The following ZNF211 variants were observed in gnomAD, a reference collection of about 807,000 sequenced individuals.
The protein encoded by ZNF211 is zinc finger protein 211.
A neutral mutation model predicts 12.1 loss-of-function variants in ZNF211; 18 were observed. The observed-to-expected ratio is 1.48, with a 90% CI of 1.03 to 2.20. ZNF211 has a LOEUF of 2.20. Ranked by LOEUF, ZNF211 falls within the 30% of genes most tolerant of loss-of-function variation. The probability of loss-of-function intolerance (pLI) is 0.00; values close to 1 mark genes in which losing one functional copy is unlikely to be tolerated. For synonymous variants in ZNF211, 249 were observed against 246.0 expected (o/e 1.01, Z -0.11); for missense variants, 677 against 703.1 (o/e 0.96, Z 0.42).
chr19:57,634,179 G>A, intron 2 of ZNF211, 118 bp downstream of exon 2: 1 of 1,213,980 alleles, frequency 8.2e-7, no homozygotes, highest in Non-Finnish European at 1.1e-6. Context: ...CTCAGCGTTT[G>A]GTTTGGGAAC....
intron 3 of ZNF211, chr19:57,640,160 T>C: frequency 7.3e-7 from 1 of 1,361,058 alleles, no homozygotes. Flanking sequence ...CCCTCTTCAC[T>C]CTTAACAGTT....
Position 57,641,313 on chromosome 19 carries a change from A to G in ZNF211, c.866A>G (p.Gln289Arg), listed in dbSNP as rs779862081. The G allele has an allele frequency of 9.3e-6, 15 of 1,614,230 alleles. No individual in the cohort carries two copies. Among genetic ancestry groups the G allele is most frequent in the Non-Finnish European group, 1.3e-5 (15 of 1,180,048 alleles). ...CGAAGATGTAACCTCATTCAGCACC[A>G]GAAAGTCCACAGTGAAGAAAGGCCT... ...CTRRCNLIQHQKVHSEERPYE... is the reference protein window; with the variant it reads ...CTRRCNLIQHRKVHSEERPYE... The change falls in exon 4 of 4, where the codon CAG becomes CGG. Residue 289 changes from glutamine to arginine, a missense_variant. Coordinates refer to ENST00000240731, the MANE Select transcript of ZNF211 (RefSeq NM_006385.5).
intron 3 of ZNF211, among the ~76,000 whole-genome samples, chr19:57,639,401 TTATGTAC>T (rs1982574370): frequency 7.6e-6 from 1 of 132,354 alleles, no homozygotes; most frequent in African/African-American, 2.8e-5. Context: ...GTCATTTCCT[TTATGTAC>T]TTTTTTTTTT....
rs751803606 is a variant in ZNF211 at position 57,642,034 on chromosome 19, A to G, written c.1587A>G (p.Lys529=). Residue 529 remains lysine (K), a synonymous_variant, in exon 4 of 4, where the codon AAA becomes AAG. Transcript: ENST00000240731. ...ERPYECSECG[K]SFSQSSSLIQ... ...CTTATGAGTGCAGTGAATGTGGGAA[A>G]TCCTTTAGCCAAAGTTCTAGCCTCA... 2 of 1,614,158 alleles carry G rather than the reference A, an allele frequency of 1.2e-6. No individual in the cohort carries two copies. Among genetic ancestry groups the G allele is most frequent in the Non-Finnish European group, 8.5e-7 (1 of 1,179,992 alleles).
At chr19:57,640,133 A>G (rs1388898655) in intron 3 of ZNF211, 2 of 1,471,138 alleles carry the variant, frequency 1.4e-6, no homozygotes, top group Non-Finnish European at 1.8e-6. Context: ...TGCCAGAGAC[A>G]CTTCACTTCG....
chr19:57,640,018 G>C, intron 3 of ZNF211: 1 of 1,536,062 alleles, frequency 6.5e-7, no homozygotes, highest in Non-Finnish European at 8.7e-7. Flanking sequence ...GATGGGATCA[G>C]AGAGGGCCTG....
In ZNF211 at chr19:57,638,261, T is replaced by A. The variant is rs993238692; in HGVS notation, c.257-2443T>A. Among the ~76,000 whole-genome samples, 4 of 151,312 alleles carry A rather than the reference T, an allele frequency of 2.6e-5. No individual in the cohort carries two copies. The East Asian group carries it at 5.8e-4, about 22-fold the overall frequency. ...CTTTTGGTTTTGTTGATTTTTTTTT[T>A]ATATTGTTTTTCTCTTCTCTATTTT... On this transcript the variant is annotated intron_variant, in intron 3 of 3. Transcript: ENST00000240731.
intron 3 of ZNF211, among the ~76,000 whole-genome samples, chr19:57,639,355 CTTTTTTTTT>C (rs541121788): frequency 2.9e-5 from 1 of 34,806 alleles, no homozygotes; most frequent in Non-Finnish European, 5.6e-5. Context: ...GTTTGGCTCA[CTTTTTTTTT>C]TTTTTTTTTT....
intron 3 of ZNF211, chr19:57,640,183 A>G: frequency 4.9e-6 from 6 of 1,212,434 alleles, no homozygotes; most frequent in Non-Finnish European, 6.7e-6. Flanking sequence ...CAAACTTGTT[A>G]TTTCTACTAC....
At position 57,641,341 on chromosome 19, in the gene ZNF211, T is replaced by C; in HGVS notation, c.894T>C (p.Tyr298=). Residue 298 remains tyrosine (Y), a synonymous_variant, in exon 4 of 4, where the codon TAT becomes TAC. Transcript: ENST00000240731. ...HQKVHSEERP[Y]ECNECGKFFT... ...AAGTCCACAGTGAAGAAAGGCCTTA[T>C]GAATGCAATGAATGTGGAAAATTCT... The C allele has an allele frequency of 6.2e-7, 1 of 1,614,220 alleles. No homozygotes were observed. The highest frequency in any genetic ancestry group is 8.5e-7 in the Non-Finnish European group (1 of 1,180,048).
chr19:57,641,425 T>C lies in ZNF211; in HGVS notation c.978T>C (p.Tyr326=), dbSNP rs1982921370. Residue 326 remains tyrosine (Y), a synonymous_variant, in exon 4 of 4, where the codon TAT becomes TAC. Coordinates refer to ENST00000240731, the MANE Select transcript of ZNF211 (RefSeq NM_006385.5). Reference sequence around the variant, plus strand: ...GAGTTCATACTGGAGAAAGGCCTTATGCGTGCCCTGAATGTGGGAAATCGT... The same window carrying C: ...GAGTTCATACTGGAGAAAGGCCTTACGCGTGCCCTGAATGTGGGAAATCGT... ...HQRVHTGERP[Y]ACPECGKSFS... is the part of the protein sequence containing the mutation. 1.9e-6 allele frequency: 3 copies of C among 1,610,602 alleles called. No homozygotes were observed. Among genetic ancestry groups the C allele is most frequent in the East Asian group, 4.5e-5 (2 of 44,718 alleles).
rs1368576700 is a variant in ZNF211, at chr19:57,634,696, C to T, written c.197C>T (p.Ala66Val). The change falls in exon 3 of 4, where the codon GCT (alanine) becomes GTT (valine). Residue 66 changes from alanine to valine, a missense_variant. Transcript: ENST00000240731. The part of the protein sequence containing the change: ...SWEEWDLLDE[A>V]QKHLYFDVML... ...GAGGAATGGGATCTCCTTGATGAGG[C>T]TCAGAAACACCTGTACTTCGATGTG... 1 of 1,608,690 alleles carries T rather than the reference C, an allele frequency of 6.2e-7. No individual in the cohort carries two copies. The highest frequency in any genetic ancestry group is 1.1e-5 in the South Asian group (1 of 90,598).
rs991868378 is a variant in ZNF211, at chr19:57,633,209, G to T, written c.-138G>T. 2.4e-5 allele frequency: 20 copies of T among 836,664 alleles called. No homozygotes were observed. The highest frequency in any genetic ancestry group is 1.8e-4 in the African/African-American group (10 of 55,938). The allele number at this position is 836,664 out of a possible 1,614,324, so 51.8% of individuals were successfully genotyped here. ...CGTCTTCGCAGCGGTCATTTTGGCT[G>T]CCCTCCCGGAGGTCCGTTCTGTCTG... is the stretch of plus-strand genomic sequence containing the variant. On this transcript the variant is annotated 5_prime_UTR_variant, in exon 1 of 4. Coordinates refer to ENST00000240731, the MANE Select transcript of ZNF211 (RefSeq NM_006385.5).
At chr19:57,639,355 C>CTT (rs541121788) in intron 3 of ZNF211, among the ~76,000 whole-genome samples, 4 of 34,792 alleles carry the variant, frequency 1.1e-4, no homozygotes, top group East Asian at 1.5e-3. Flanking sequence ...GTTTGGCTCA[C>CTT]TTTTTTTTTT....
chr19:57,635,805 C>T (rs1982052271), intron 3 of ZNF211, among the ~76,000 whole-genome samples: 1 of 152,158 alleles, frequency 6.6e-6, no homozygotes, highest in Non-Finnish European at 1.5e-5. Context: ...TAAGGAACCA[C>T]TAAAATTGTT....
chr19:57,633,994 A>C (rs188714638), intron 1 of ZNF211, 29 bp from the exon 2 acceptor site: 1 of 1,596,392 alleles, frequency 6.3e-7, no homozygotes, highest in Non-Finnish European at 8.5e-7. Flanking sequence ...CCATGATCAC[A>C]TTCCTCTGAG....
chr19:57,641,260 G>A lies in ZNF211; in HGVS notation c.813G>A (p.Glu271=), dbSNP rs1982884375. The A allele has an allele frequency of 6.2e-7, 1 of 1,614,214 alleles. No individual in the cohort carries two copies. The highest frequency in any genetic ancestry group is 8.5e-7 in the Non-Finnish European group (1 of 1,180,046). Residue 271 remains glutamate (E), a synonymous_variant, in exon 4 of 4, where the codon GAG becomes GAA. Transcript: ENST00000240731. ...QRILTREGLF[E]CSKCGKACTR... ...TCCTCACTAGAGAAGGACTTTTTGA[G>A]TGCAGTAAATGTGGGAAAGCATGTA...
chr19:57,640,573 C>G, intron 3 of ZNF211, 131 bp from the exon 4 acceptor site: 6 of 1,172,732 alleles, frequency 5.1e-6, no homozygotes, highest in South Asian at 3.2e-5. Context: ...CTCAACCTGA[C>G]CCCCCAACTC....
intron 1 of ZNF211, 103 bp downstream of exon 1, chr19:57,633,539 C>T: frequency 1.3e-6 from 2 of 1,494,238 alleles, no homozygotes; most frequent in Non-Finnish European, 1.8e-6. Flanking sequence ...GACACTGAGG[C>T]TCGTGGGTGG....
Sources: gnomAD v4.1 joint callset for allele counts (sites outside exome capture counted in the v4.1 genomes callset) on GRCh38, gnomAD v4.1.1 for gene constraint, MANE v1.5 for transcripts, NCBI Gene and HGNC (gene_info 2026-07-23, HGNC 2026-07-21) for gene names.